Variants in SGCZ observed in about 807,000 individuals in gnomAD.
SGCZ encodes zeta-sarcoglycan.
SGCZ carries 40 observed loss-of-function variants against 41.3 expected under a neutral mutation model. The ratio of observed to expected loss-of-function variants is 0.97; its 90% CI spans 0.75 to 1.26. The LOEUF is 1.26. Ranked by LOEUF, SGCZ falls within the 50% of genes most tolerant of loss-of-function variation. The probability of loss-of-function intolerance (pLI) is 0.00; values close to 1 mark genes in which losing one functional copy is unlikely to be tolerated. For missense variants in SGCZ, 552 were observed against 369.8 expected (o/e 1.49, Z -4.04); for synonymous variants, 206 against 137.5 (o/e 1.50, Z -3.49).
At chr8:15,061,146 C>G (rs576523124) in intron 1 of SGCZ, among the ~76,000 whole-genome samples, 32 of 141,404 alleles carry the variant, frequency 2.3e-4, no homozygotes, top group Non-Finnish European at 4.3e-4. Context: ...TCCCCCCAAA[C>G]TCATGTGTTG....
At chr8:14,706,286 A>C (rs1191603562) in intron 1 of SGCZ, among the ~76,000 whole-genome samples, 2 of 152,006 alleles carry the variant, frequency 1.3e-5, no homozygotes, top group Admixed American at 1.3e-4. Context: ...ACGCTCTTTA[A>C]ACTAATCAAA....
chr8:15,065,285 T>C (rs1046474978), intron 1 of SGCZ, among the ~76,000 whole-genome samples: 1 of 152,050 alleles, frequency 6.6e-6, no homozygotes, highest in Admixed American at 6.6e-5. Context: ...TCCTTCCTCA[T>C]TGTCGAGGCA....
At chr8:14,384,393 T>C (rs28727874) in intron 2 of SGCZ, among the ~76,000 whole-genome samples, 2,255 of 152,210 alleles carry the variant, frequency 0.015, 58 homozygotes, top group African/African-American at 0.051. Context: ...ATAGACTGGA[T>C]TAAGAAAATG....
chr8:14,774,374 G>C (rs1230956808), intron 1 of SGCZ, among the ~76,000 whole-genome samples: 1 of 152,026 alleles, frequency 6.6e-6, no homozygotes, highest in East Asian at 1.9e-4. Flanking sequence ...TGTTTCTCTG[G>C]AAAACTCTAA....
At chr8:15,111,337 A>T (rs1322092068) in intron 1 of SGCZ, among the ~76,000 whole-genome samples, 2 of 152,098 alleles carry the variant, frequency 1.3e-5, no homozygotes. Context: ...TATATCTCAG[A>T]TGAAGAGGGA....
intron 1 of SGCZ, among the ~76,000 whole-genome samples, chr8:14,745,493 G>C (rs964869438): frequency 1.3e-5 from 2 of 152,074 alleles, no homozygotes; most frequent in African/African-American, 4.8e-5. Flanking sequence ...TGAGGTGGGA[G>C]GATGCTTGAG....
chr8:14,715,054 A>G (rs1465483776), intron 1 of SGCZ, among the ~76,000 whole-genome samples: 1 of 152,172 alleles, frequency 6.6e-6, no homozygotes, highest in Non-Finnish European at 1.5e-5. Flanking sequence ...TTTTAAAAAT[A>G]TATATTCTTC....
intron 2 of SGCZ, among the ~76,000 whole-genome samples, chr8:14,367,509 G>A (rs189836213): frequency 6.6e-6 from 1 of 151,974 alleles, no homozygotes. Flanking sequence ...CCAAAACTAG[G>A]CATGTTATAA....
intron 3 of SGCZ, among the ~76,000 whole-genome samples, chr8:14,264,721 G>T (rs1162230008): frequency 6.6e-6 from 1 of 152,176 alleles, no homozygotes; most frequent in African/African-American, 2.4e-5. Flanking sequence ...CAGCACTTTG[G>T]GAGTCCGAGG....
chr8:14,893,300 A>G (rs945326282), intron 1 of SGCZ, among the ~76,000 whole-genome samples: 3 of 152,124 alleles, frequency 2.0e-5, no homozygotes, highest in African/African-American at 7.2e-5. Context: ...CAGAAAAGTG[A>G]AGGAAATACA....
chr8:14,591,025 A>C (rs1805224358), intron 1 of SGCZ, among the ~76,000 whole-genome samples: 1 of 150,534 alleles, frequency 6.6e-6, no homozygotes, highest in Non-Finnish European at 1.5e-5. Flanking sequence ...TTTTTTTTTC[A>C]GGCAAAAATG....
At chr8:14,603,132 A>G (rs1049054055) in intron 1 of SGCZ, among the ~76,000 whole-genome samples, 2 of 152,320 alleles carry the variant, frequency 1.3e-5, no homozygotes, top group Non-Finnish European at 1.5e-5. Flanking sequence ...TTCTCAGGCT[A>G]TGAGATACTG....
chr8:14,105,552 T>C (rs907855489), intron 6 of SGCZ, among the ~76,000 whole-genome samples: 78 of 152,132 alleles, frequency 5.1e-4, no homozygotes, highest in African/African-American at 1.8e-3. Context: ...GACACCCTGC[T>C]TTTAATTTTC....
intron 5 of SGCZ, among the ~76,000 whole-genome samples, chr8:14,164,092 A>G (rs892852097): frequency 1.3e-5 from 2 of 152,182 alleles, no homozygotes; most frequent in Non-Finnish European, 2.9e-5. Flanking sequence ...TGACTTTTAA[A>G]TAATATGTGT....
chr8:14,443,360 C>A (rs532493251), intron 2 of SGCZ, among the ~76,000 whole-genome samples: 1 of 152,144 alleles, frequency 6.6e-6, no homozygotes, highest in Non-Finnish European at 1.5e-5. Context: ...CAAGTCAATC[C>A]TAAGCCAAAA....
chr8:14,833,921 G>T (rs1802611954), intron 1 of SGCZ, among the ~76,000 whole-genome samples: 1 of 152,106 alleles, frequency 6.6e-6, no homozygotes, highest in Admixed American at 6.6e-5. Context: ...GAGGGGAGAA[G>T]GTGAGGAAAA....
intron 1 of SGCZ, among the ~76,000 whole-genome samples, chr8:15,001,072 G>A (rs375522336): frequency 2.6e-5 from 4 of 152,184 alleles, no homozygotes; most frequent in East Asian, 1.9e-4. Context: ...ACACTGCTGG[G>A]GCAGCTCAGT....
chr8:14,923,097 T>G lies in SGCZ; in HGVS notation c.39+314488A>C, dbSNP rs554074680. ...CTAAACTGAAATTTTACAGCTAGTG[T>G]CTGCAAAGTCATCTCCTGACAGGAA... On this transcript the variant is annotated intron_variant, in intron 1 of 7. Transcript: ENST00000382080. 5.5e-3 allele frequency among the ~76,000 whole-genome samples: 841 copies of G among 152,294 alleles called. 9 individuals are homozygous for G. Among genetic ancestry groups the G allele is most frequent in the African/African-American group, 0.019 (795 of 41,564 alleles).
At chr8:14,346,495 G>C (rs181090062) in intron 2 of SGCZ, among the ~76,000 whole-genome samples, 4 of 152,002 alleles carry the variant, frequency 2.6e-5, no homozygotes, top group African/African-American at 7.2e-5. Flanking sequence ...AAGGAGGCTG[G>C]TTAGGTGAAC....
Sources: gnomAD v4.1 joint callset for allele counts (sites outside exome capture counted in the v4.1 genomes callset) on GRCh38, gnomAD v4.1.1 for gene constraint, MANE v1.5 for transcripts, NCBI Gene and HGNC (gene_info 2026-07-23, HGNC 2026-07-21) for gene names.